The following ZNF536 variants were observed in gnomAD, a reference collection of about 807,000 sequenced individuals.
ZNF536 encodes zinc finger protein 536.
A neutral mutation model predicts 84.5 loss-of-function variants in ZNF536; 13 were observed. The observed-to-expected ratio is 0.15, with a 90% CI of 0.10 to 0.24. The LOEUF (loss-of-function observed/expected upper bound fraction) is 0.24. ZNF536 is among the 10% of genes least tolerant of loss of function. The pLI, the probability that ZNF536 is intolerant of heterozygous loss-of-function variation, is 1.00. For missense variants in ZNF536, 1,536 were observed against 1,747.5 expected (o/e 0.88, Z 2.16); for synonymous variants, 811 against 742.5 (o/e 1.09, Z -1.50).
Position 30,349,868 on chromosome 19 carries a change from G to T in ZNF536, c.-119-2500G>T, listed in dbSNP as rs565612883. Among the ~76,000 whole-genome samples the T allele has an allele frequency of 5.3e-5, 8 of 152,010 alleles. No homozygotes were observed. The East Asian group carries it at 5.8e-4, about 11-fold the overall frequency. On this transcript the variant is annotated intron_variant, in intron 2 of 5. Coordinates refer to the ZNF536 transcript ENST00000585628. Reference sequence around the variant, plus strand: ...AGTCACTAAGACAGAAAGTGATATCGCATCTTCAAATGGAGAAGTATAGTA... The same window carrying T: ...AGTCACTAAGACAGAAAGTGATATCTCATCTTCAAATGGAGAAGTATAGTA...
intron 1 of ZNF536, among the ~76,000 whole-genome samples, chr19:30,405,245 G>A (rs549461856): frequency 6.6e-6 from 1 of 152,204 alleles, no homozygotes; most frequent in Admixed American, 6.5e-5. Flanking sequence ...AAAGATGGGG[G>A]AAGATTAGAG....
rs552132877 is a variant in ZNF536, at chr19:30,507,846, C to T, written c.2171-27001C>T. The stretch of plus-strand genomic sequence containing the variant: ...AGGCAGGTTGTTCAAGTGTTTCATG[C>T]GCATACGTGATGAACCCAGAATTGC... On this transcript the variant is annotated intron_variant, in intron 2 of 4. Transcript: ENST00000355537. Among the ~76,000 whole-genome samples, 14 of 152,228 alleles carry T rather than the reference C, an allele frequency of 9.2e-5. No individual in the cohort carries two copies. The South Asian group carries it at 1.0e-3, about 11-fold the overall frequency.
chr19:30,573,046 A>G (rs1051208634), intron 1 of ZNF536, among the ~76,000 whole-genome samples: 2 of 152,178 alleles, frequency 1.3e-5, no homozygotes, highest in Admixed American at 6.5e-5. Context: ...GGGGGCACAT[A>G]TTCTAAGGAG....
At chr19:30,292,124 C>G (rs1416119670) in intron 2 of ZNF536, among the ~76,000 whole-genome samples, 1 of 152,056 alleles carries the variant, frequency 6.6e-6, no homozygotes, top group Non-Finnish European at 1.5e-5. Context: ...GTGTTATATG[C>G]TTTATCTGTT....
At chr19:30,574,667 T>G (rs1472235718) in intron 1 of ZNF536, among the ~76,000 whole-genome samples, 1 of 152,188 alleles carries the variant, frequency 6.6e-6, no homozygotes, top group Non-Finnish European at 1.5e-5. Flanking sequence ...TTGAAGCCCA[T>G]GTAATCCCAT....
chr19:30,571,003 G>C (rs1019831317), intron 1 of ZNF536, among the ~76,000 whole-genome samples: 2 of 152,182 alleles, frequency 1.3e-5, no homozygotes, highest in Non-Finnish European at 2.9e-5. Context: ...CTCAAAGGAA[G>C]ATAAGTGGGC....
chr19:30,254,425 G>C (rs2024795032), intron 1 of ZNF536, among the ~76,000 whole-genome samples: 1 of 152,078 alleles, frequency 6.6e-6, no homozygotes, highest in African/African-American at 2.4e-5. Flanking sequence ...AAATTCCTAG[G>C]ATTCATACGC....
At chr19:30,492,456 G>A (rs2054546598) in intron 2 of ZNF536, among the ~76,000 whole-genome samples, 2 of 152,106 alleles carry the variant, frequency 1.3e-5, no homozygotes, top group African/African-American at 4.8e-5. Context: ...TTGGGTTAAA[G>A]CTGAGGTATC....
intron 1 of ZNF536, among the ~76,000 whole-genome samples, chr19:30,691,893 T>C (rs1261746066): frequency 1.3e-5 from 2 of 152,212 alleles, no homozygotes; most frequent in Non-Finnish European, 2.9e-5. Flanking sequence ...AGGGCCACGC[T>C]GTGGCAGTGG....
intron 2 of ZNF536, among the ~76,000 whole-genome samples, chr19:30,297,913 C>G (rs530212176): frequency 2.8e-5 from 4 of 141,706 alleles, no homozygotes; most frequent in African/African-American, 8.5e-5. Context: ...TCCCCCCCCC[C>G]TCTGTCGCCC....
chr19:30,473,119 C>T (rs1193085527), intron 2 of ZNF536, among the ~76,000 whole-genome samples: 2 of 151,630 alleles, frequency 1.3e-5, no homozygotes, highest in Non-Finnish European at 2.9e-5. Flanking sequence ...GCCAGGAGAA[C>T]TGCTTGAACC....
At chr19:30,649,426 A>G (rs1305516066) in intron 1 of ZNF536, among the ~76,000 whole-genome samples, 3 of 152,198 alleles carry the variant, frequency 2.0e-5, no homozygotes, top group African/African-American at 2.4e-5. Context: ...CTTTAATTCT[A>G]AACTTGTTTT....
intron 1 of ZNF536, among the ~76,000 whole-genome samples, chr19:30,586,933 G>T (rs991785097): frequency 6.6e-6 from 1 of 152,180 alleles, no homozygotes; most frequent in African/African-American, 2.4e-5. Flanking sequence ...TTAATTGAAA[G>T]TATGGAAAAA....
intron 2 of ZNF536, among the ~76,000 whole-genome samples, chr19:30,454,576 T>A (rs994911176): frequency 6.6e-6 from 1 of 152,266 alleles, no homozygotes; most frequent in Non-Finnish European, 1.5e-5. Context: ...ATTTCATTTT[T>A]TAAAAACTCA....
intron 1 of ZNF536, among the ~76,000 whole-genome samples, chr19:30,614,248 T>C (rs2147075698): frequency 6.6e-6 from 1 of 152,360 alleles, no homozygotes; most frequent in Admixed American, 6.5e-5. Flanking sequence ...ATAATTGCGG[T>C]TTTTGCCATT....
intron 1 of ZNF536, among the ~76,000 whole-genome samples, chr19:30,432,786 C>G (rs923336816): frequency 9.2e-5 from 14 of 152,112 alleles, no homozygotes; most frequent in African/African-American, 3.4e-4. Context: ...AAGGTGTGTA[C>G]AGTTTTGAAG....
Position 30,548,112 on chromosome 19 carries a change from G to A in ZNF536, c.2493G>A (p.Leu831=), listed in dbSNP as rs774153120. 6.2e-7 allele frequency: 1 copy of A among 1,614,082 alleles called. No homozygotes were observed. The highest frequency in any genetic ancestry group is 1.1e-5 in the South Asian group (1 of 91,068). Residue 831 remains leucine (L), a synonymous_variant, in exon 4 of 5, where the codon CTG becomes CTA. Transcript: ENST00000355537. ...HKDEMSSKAS[L]FIRPDILRGA... ...ATGAGATGTCAAGCAAAGCTTCTCTGTTCATCAGGCCAGACATCCTGAGGG... is the reference window on the plus strand; with the variant it reads ...ATGAGATGTCAAGCAAAGCTTCTCTATTCATCAGGCCAGACATCCTGAGGG...
At chr19:30,393,753 G>A (rs2049695930) in intron 1 of ZNF536, among the ~76,000 whole-genome samples, 4 of 152,212 alleles carry the variant, frequency 2.6e-5, no homozygotes, top group African/African-American at 9.6e-5. Context: ...CAGAGGAAGG[G>A]GAAGCTGTGA....
At chr19:30,489,963 G>A (rs2054444874) in intron 2 of ZNF536, among the ~76,000 whole-genome samples, 1 of 152,218 alleles carries the variant, frequency 6.6e-6, no homozygotes, top group Non-Finnish European at 1.5e-5. Flanking sequence ...AGTTCTCAAA[G>A]GGTGCACACT....
Sources: allele counts gnomAD v4.1 joint callset (sites outside exome capture counted in the v4.1 genomes callset), GRCh38; gene constraint gnomAD v4.1.1; transcripts MANE v1.5; gene names NCBI Gene and HGNC (gene_info 2026-07-23, HGNC 2026-07-21).